The following HYCC1 variants were observed in gnomAD, a reference collection of about 807,000 sequenced individuals.
HYCC1 encodes hyccin.
chr7:22,934,165 T>C, the HYCC1 span: 7 of 150,932 alleles, frequency 4.6e-5, no homozygotes, highest in Non-Finnish European at 7.4e-5. Context: ...AAACTAAAAA[T>C]CTTTTTTCTG....
the HYCC1 span, chr7:22,934,661 AAG>A: frequency 6.6e-6 from 1 of 152,262 alleles, no homozygotes; most frequent in African/African-American, 2.4e-5. Flanking sequence ...CAAATCAGCA[AAG>A]GGGAAAAGGA....
chr7:22,935,386 GT>G, the HYCC1 span: 1 of 152,118 alleles, frequency 6.6e-6, no homozygotes, highest in African/African-American at 2.4e-5. Context: ...GTTTGAATCC[GT>G]GCTGAATTCC....
chr7:22,939,638 G>A, the HYCC1 span: 1 of 152,090 alleles, frequency 6.6e-6, no homozygotes, highest in East Asian at 1.9e-4. Flanking sequence ...AGACAGATGG[G>A]GTGAGTGAAT....
chr7:22,937,973 T>C, the HYCC1 span: 1 of 152,304 alleles, frequency 6.6e-6, no homozygotes, highest in South Asian at 2.1e-4. Flanking sequence ...AATTGCTATA[T>C]ACATAATATT....
the HYCC1 span, among the ~76,000 whole-genome samples, chr7:23,009,887 C>T: frequency 6.6e-6 from 1 of 152,104 alleles, no homozygotes; most frequent in African/African-American, 2.4e-5. Flanking sequence ...TGTTCTTTTT[C>T]CTTAGTGCAG....
chr7:22,983,962 G>C, the HYCC1 span: 1 of 1,596,054 alleles, frequency 6.3e-7, no homozygotes, highest in Non-Finnish European at 8.6e-7. Context: ...GTGGCTCCTG[G>C]ATAACTTTAT....
the HYCC1 span, among the ~76,000 whole-genome samples, chr7:22,993,287 G>A: frequency 6.6e-6 from 1 of 152,124 alleles, no homozygotes; most frequent in South Asian, 2.1e-4. Context: ...TAAACCATAA[G>A]GCTTTTAGAA....
chr7:22,977,313 A>C, the HYCC1 span: 1 of 1,376,652 alleles, frequency 7.3e-7, no homozygotes, highest in South Asian at 1.2e-5. Context: ...TAGGGTCAAT[A>C]AACTTACTGT....
At chr7:22,932,522 G>A in the HYCC1 span, among the ~76,000 whole-genome samples, 1 of 152,142 alleles carries the variant, frequency 6.6e-6, no homozygotes, top group East Asian at 1.9e-4. Context: ...ATTGTATTTT[G>A]GAAGCAGATA....
the HYCC1 span, among the ~76,000 whole-genome samples, chr7:23,013,202 A>G: frequency 6.6e-6 from 1 of 152,210 alleles, no homozygotes; most frequent in Admixed American, 6.5e-5. Context: ...CAAACCCCCG[A>G]GGATTCCCGA....
At chr7:22,972,854 A>G in the HYCC1 span, among the ~76,000 whole-genome samples, 1 of 152,208 alleles carries the variant, frequency 6.6e-6, no homozygotes, top group Non-Finnish European at 1.5e-5. Context: ...ATTTTTGCTC[A>G]GTAGAATGAA....
chr7:22,919,289 G>A, the HYCC1 span, among the ~76,000 whole-genome samples: 4 of 152,224 alleles, frequency 2.6e-5, no homozygotes, highest in African/African-American at 7.2e-5. Context: ...AGCATTTTGG[G>A]AGGCCAAGGC....
chr7:22,920,085 T>C, the HYCC1 span, among the ~76,000 whole-genome samples: 1 of 152,176 alleles, frequency 6.6e-6, no homozygotes, highest in Non-Finnish European at 1.5e-5. Context: ...CCCAGCACTT[T>C]GGGAGGCAAA....
chr7:22,969,994 A>T, the HYCC1 span, among the ~76,000 whole-genome samples: 1 of 152,202 alleles, frequency 6.6e-6, no homozygotes. Context: ...GAACATAGGT[A>T]AGTTACTGTT....
the HYCC1 span, chr7:22,976,373 A>G: frequency 4.6e-6 from 5 of 1,081,588 alleles, no homozygotes; most frequent in Non-Finnish European, 7.0e-6. Context: ...AATAGGGGAG[A>G]GAGCACTCCT....
the HYCC1 span, chr7:22,964,502 T>A: frequency 1.2e-6 from 2 of 1,608,036 alleles, no homozygotes; most frequent in Non-Finnish European, 1.7e-6. Flanking sequence ...TTTTCTTACA[T>A]GTTGTCGAGG....
At chr7:22,945,677 T>G in the HYCC1 span, 2 of 1,613,846 alleles carry the variant, frequency 1.2e-6, no homozygotes, top group South Asian at 1.1e-5. Context: ...TTCTGAAACG[T>G]AAATAAGCTT....
chr7:23,000,360 TTATATAGATAGGTACCTATCTATATC>T, the HYCC1 span, among the ~76,000 whole-genome samples: 1 of 152,076 alleles, frequency 6.6e-6, no homozygotes, highest in African/African-American at 2.4e-5. Flanking sequence ...AATAATATAT[TTATATAGATAGGTACCTATCTATATC>T]TATATAGATA....
the HYCC1 span, among the ~76,000 whole-genome samples, chr7:22,958,033 T>C: frequency 6.6e-6 from 1 of 151,686 alleles, no homozygotes; most frequent in African/African-American, 2.4e-5. Context: ...CAAAATTAAA[T>C]TTAAAAATCT....
Sources: allele counts gnomAD v4.1 joint callset (sites outside exome capture counted in the v4.1 genomes callset), GRCh38; gene constraint gnomAD v4.1.1; transcripts MANE v1.5; gene names NCBI Gene and HGNC (gene_info 2026-07-23, HGNC 2026-07-21).